XCR1: variants seen among roughly 807,000 people sequenced by gnomAD.
The protein encoded by XCR1 is chemokine XC receptor 1.
For missense variants in XCR1, 356 were observed against 424.2 expected, an observed-to-expected ratio of 0.84 and a Z score of 1.41; for synonymous variants, 187 against 188.5, an observed-to-expected ratio of 0.99 and a Z score of 0.06.
intron 1 of XCR1, chr3:46,024,025 A>C: frequency 1.5e-6 from 2 of 1,332,424 alleles, no homozygotes; most frequent in South Asian, 2.4e-5. Flanking sequence ...AACCTGGCAG[A>C]AGTTTGCAGC....
At position 46,059,709 on chromosome 3, in the gene XCR1, T is replaced by C. The variant is rs188693373; in HGVS notation, c.-182-5639A>G. 1.2e-4 allele frequency among the ~76,000 whole-genome samples: 19 copies of C among 152,362 alleles called. No individual in the cohort carries two copies. The East Asian group carries it at 3.7e-3, about 29-fold the overall frequency. ...TTCCACTTGGCTGAGGACTGAATAC[T>C]CATGACCAATGTCCCTGACAAAGTT... On this transcript the variant is annotated intron_variant, in intron 4 of 5. Transcript: ENST00000683768.
Position 46,021,236 on chromosome 3 carries a change from A to AGCTG in XCR1, c.708_711dup (p.Trp238GlnfsTer47). On this transcript the variant is annotated frameshift_variant, in exon 2 of 2. Coordinates refer to ENST00000309285, the MANE Select transcript of XCR1 (RefSeq NM_001024644.2). LOFTEE classifies it low-confidence loss of function (END_TRUNC). The surrounding 1 kb of genome is among the most constrained non-coding windows in gnomAD (Gnocchi z 4.7). ...AACAGGGTGAAGTTGTAGGGACCCC[A>AGCTG]GCTGAGGAAGTAGGCCACCACGATG... The AGCTG allele has an allele frequency of 3.1e-6, 5 of 1,614,194 alleles. No homozygotes were observed. Among genetic ancestry groups the AGCTG allele is most frequent in the Non-Finnish European group, 4.2e-6 (5 of 1,180,028 alleles).
chr3:46,037,625 A>G (rs889986927), intron 5 of XCR1, among the ~76,000 whole-genome samples: 1 of 152,192 alleles, frequency 6.6e-6, no homozygotes, highest in Non-Finnish European at 1.5e-5. Flanking sequence ...ACACAGAGAA[A>G]ATAGAAAGTT....
chr3:46,054,807 G>A (rs1697822538), intron 4 of XCR1, among the ~76,000 whole-genome samples: 2 of 152,172 alleles, frequency 1.3e-5, no homozygotes, highest in Admixed American at 1.3e-4. Flanking sequence ...GGGCAAGGAA[G>A]CAATCATGAT....
At chr3:46,030,795 T>C (rs139787840), upstream of XCR1, among the ~76,000 whole-genome samples, 7 of 152,226 alleles carry the variant, frequency 4.6e-5, no homozygotes, top group Non-Finnish European at 5.9e-5. Flanking sequence ...GGCAGCTTAC[T>C]GCACACCACC....
In XCR1 at chr3:46,021,354, C is replaced by A. The variant is rs760669514; in HGVS notation, c.594G>T (p.Leu198=). The A allele has an allele frequency of 9.9e-6, 16 of 1,614,052 alleles. No individual in the cohort carries two copies. The highest frequency in any genetic ancestry group is 1.4e-5 in the Non-Finnish European group (16 of 1,180,040). Residue 198 remains leucine, a synonymous_variant, in exon 2 of 2, where the codon CTG becomes CTT. Coordinates refer to ENST00000309285, the MANE Select transcript of XCR1 (RefSeq NM_001024644.2). The surrounding 1 kb of genome is among the most constrained non-coding windows in gnomAD (Gnocchi z 4.7). ...CCACGTAGCAGAACAGGATAATCCC[C>A]AGGGACAGCAGGAAGAAGAGGTTGT... The part of the protein sequence containing the change: ...YQHNLFFLLS[L]GIILFCYVEI...
chr3:46,069,067 A>C (rs1463201760), intron 3 of XCR1, among the ~76,000 whole-genome samples: 1 of 152,212 alleles, frequency 6.6e-6, no homozygotes, highest in Non-Finnish European at 1.5e-5. Flanking sequence ...ATAAAAATGA[A>C]AATACAAAAT....
chr3:46,052,295 A>G (rs539726626), intron 5 of XCR1, among the ~76,000 whole-genome samples: 1 of 152,160 alleles, frequency 6.6e-6, no homozygotes, highest in African/African-American at 2.4e-5. Context: ...CTGGGAACCC[A>G]TGCCTGAAAC....
intron 5 of XCR1, among the ~76,000 whole-genome samples, chr3:46,048,466 A>T (rs982666600): frequency 3.9e-5 from 6 of 151,922 alleles, no homozygotes; most frequent in African/African-American, 1.5e-4. Context: ...TGTCATTGTG[A>T]TTCTGGTCGG....
chr3:46,064,275 C>T (rs749268551), intron 4 of XCR1, among the ~76,000 whole-genome samples: 4 of 152,216 alleles, frequency 2.6e-5, no homozygotes, highest in Admixed American at 1.3e-4. Context: ...TTTTAGACTA[C>T]AGTCTCCATA....
intron 1 of XCR1, among the ~76,000 whole-genome samples, chr3:46,085,517 T>C (rs957672652): frequency 7.2e-5 from 11 of 152,260 alleles, no homozygotes; most frequent in Admixed American, 6.5e-4. Flanking sequence ...CCATCCTGTC[T>C]GCCCCTCCCC....
intron 5 of XCR1, among the ~76,000 whole-genome samples, chr3:46,050,348 T>A (rs1286226556): frequency 6.6e-6 from 1 of 152,198 alleles, no homozygotes; most frequent in Admixed American, 6.5e-5. Flanking sequence ...TCCTAATTGT[T>A]GAAAATCATT....
intron 1 of XCR1, among the ~76,000 whole-genome samples, chr3:46,077,286 T>A (rs1308438375): frequency 2.0e-5 from 3 of 152,124 alleles, no homozygotes; most frequent in African/African-American, 7.2e-5. Flanking sequence ...GTCCTCCTCC[T>A]GTCAGATCAG....
upstream of XCR1, among the ~76,000 whole-genome samples, chr3:46,031,617 A>T (rs991697200): frequency 1.3e-5 from 2 of 152,194 alleles, no homozygotes; most frequent in African/African-American, 2.4e-5. Context: ...TCCTGGGCAG[A>T]AAGGGCCAGG....
upstream of XCR1, among the ~76,000 whole-genome samples, chr3:46,028,973 T>A (rs1006500169): frequency 6.6e-6 from 1 of 152,220 alleles, no homozygotes; most frequent in Non-Finnish European, 1.5e-5. Flanking sequence ...AAGAAATCCT[T>A]GCCTAGTCAG....
At chr3:46,051,094 G>A (rs1035041908) in intron 5 of XCR1, among the ~76,000 whole-genome samples, 3 of 152,250 alleles carry the variant, frequency 2.0e-5, no homozygotes, top group South Asian at 4.1e-4. Context: ...GGGCTTAGGC[G>A]GAGGAGAAAT....
chr3:46,059,872 C>A (rs1231334209), intron 4 of XCR1, among the ~76,000 whole-genome samples: 6 of 152,204 alleles, frequency 3.9e-5, no homozygotes, highest in Non-Finnish European at 5.9e-5. Flanking sequence ...GAAAGTCATA[C>A]TTTCTATTAA....
upstream of XCR1, among the ~76,000 whole-genome samples, chr3:46,031,150 AAGCCAT>A (rs893080114): frequency 1.3e-5 from 2 of 152,346 alleles, no homozygotes; most frequent in African/African-American, 4.8e-5. Context: ...GCAGCTGCTG[AAGCCAT>A]GGCTGTGACT....
chr3:46,084,989 G>C (rs1405438660), intron 1 of XCR1, among the ~76,000 whole-genome samples: 1 of 151,946 alleles, frequency 6.6e-6, no homozygotes, highest in African/African-American at 2.4e-5. Context: ...TGCAACAAAA[G>C]CTGGATGGAG....
Sources: allele counts gnomAD v4.1 joint callset (sites outside exome capture counted in the v4.1 genomes callset), GRCh38; gene constraint gnomAD v4.1.1; non-coding constraint Gnocchi (gnomAD v3.1); transcripts MANE v1.5; gene names NCBI Gene and HGNC (gene_info 2026-07-23, HGNC 2026-07-21).